The following MARCHF1 variants were observed in gnomAD, a reference collection of about 807,000 sequenced individuals.
MARCHF1 encodes E3 ubiquitin-protein ligase MARCHF1.
In MARCHF1, 40 loss-of-function variants were observed where a neutral mutation model predicts 54.2. That is an observed-to-expected ratio of 0.74 (90% CI 0.57 to 0.96). MARCHF1 has a LOEUF of 0.96. Among genes scored for constraint, MARCHF1 ranks in the 40% least tolerant of loss-of-function variants. The pLI is 0.00. For missense variants in MARCHF1, 586 were observed against 656.5 expected (o/e 0.89, Z 1.17); for synonymous variants, 236 against 236.3 (o/e 1.00, Z 0.01).
intron 1 of MARCHF1, among the ~76,000 whole-genome samples, chr4:164,230,678 C>T (rs1448934994): frequency 2.0e-5 from 3 of 152,092 alleles, no homozygotes; most frequent in Non-Finnish European, 4.4e-5. Context: ...CTATCTACCT[C>T]CAGGCTGACA....
intron 5 of MARCHF1, among the ~76,000 whole-genome samples, chr4:163,626,447 C>T (rs903685215): frequency 4.5e-4 from 68 of 152,292 alleles, no homozygotes; most frequent in African/African-American, 1.2e-3. Flanking sequence ...AAAGAATAAT[C>T]GTGCATAATC....
intron 2 of MARCHF1, among the ~76,000 whole-genome samples, chr4:164,005,287 C>T (rs149313153): frequency 1.1e-3 from 170 of 152,216 alleles, no homozygotes; most frequent in African/African-American, 2.2e-3. Context: ...AATTTTAATA[C>T]CGCAATTAAA....
chr4:164,073,301 G>C (rs1213124832), intron 2 of MARCHF1, among the ~76,000 whole-genome samples: 1 of 152,274 alleles, frequency 6.6e-6, no homozygotes, highest in African/African-American at 2.4e-5. Context: ...ATACACCATG[G>C]AATACTATGC....
chr4:164,205,479 A>C (rs996066082), intron 1 of MARCHF1, among the ~76,000 whole-genome samples: 6 of 152,190 alleles, frequency 3.9e-5, no homozygotes, highest in African/African-American at 1.2e-4. Context: ...TGGGGAATAA[A>C]CTAACAGGAA....
chr4:163,973,594 A>G (rs1361500628), intron 3 of MARCHF1, among the ~76,000 whole-genome samples: 1 of 152,244 alleles, frequency 6.6e-6, no homozygotes, highest in African/African-American at 2.4e-5. Flanking sequence ...GGACTTCAAT[A>G]CAGGGAGATG....
chr4:163,629,699 G>A (rs760992490), intron 5 of MARCHF1, among the ~76,000 whole-genome samples: 1 of 152,038 alleles, frequency 6.6e-6, no homozygotes, highest in Non-Finnish European at 1.5e-5. Flanking sequence ...GGGGGCTAGG[G>A]GAGGGATAAC....
At chr4:163,722,925 A>C (rs562518994) in intron 4 of MARCHF1, among the ~76,000 whole-genome samples, 36 of 152,074 alleles carry the variant, frequency 2.4e-4, no homozygotes, top group Non-Finnish European at 4.6e-4. Context: ...TGTCTCTGCA[A>C]GTGAGATGGG....
chr4:163,821,441 A>C (rs769759146), intron 4 of MARCHF1, among the ~76,000 whole-genome samples: 2 of 152,030 alleles, frequency 1.3e-5, no homozygotes, highest in African/African-American at 2.4e-5. Flanking sequence ...TTCAGTAAAT[A>C]TTTGTAAAAC....
At chr4:164,158,253 T>C (rs2110931738) in intron 1 of MARCHF1, among the ~76,000 whole-genome samples, 1 of 152,326 alleles carries the variant, frequency 6.6e-6, no homozygotes, top group African/African-American at 2.4e-5. Context: ...GAACTATAAG[T>C]ACAATTTTCA....
chr4:164,185,565 C>T (rs776282315), intron 1 of MARCHF1, among the ~76,000 whole-genome samples: 3 of 151,950 alleles, frequency 2.0e-5, no homozygotes, highest in Admixed American at 2.0e-4. Flanking sequence ...TATATTTCTA[C>T]GATTAAATTT....
chr4:163,684,679 T>A (rs983201253), intron 5 of MARCHF1, among the ~76,000 whole-genome samples: 3 of 152,348 alleles, frequency 2.0e-5, no homozygotes, highest in African/African-American at 7.2e-5. Context: ...ATAGCCCATA[T>A]CCAGTTTATT....
chr4:163,684,525 TTCA>T (rs1744207995), intron 5 of MARCHF1, among the ~76,000 whole-genome samples: 1 of 152,256 alleles, frequency 6.6e-6, no homozygotes, highest in African/African-American at 2.4e-5. Context: ...TAGAAATTCC[TTCA>T]TAAGATTCAT....
At chr4:164,174,600 C>T (rs1026511940) in intron 1 of MARCHF1, among the ~76,000 whole-genome samples, 3 of 152,152 alleles carry the variant, frequency 2.0e-5, no homozygotes, top group South Asian at 2.1e-4. Context: ...AGTTTTCTCT[C>T]TCCAGGTGCT....
chr4:163,528,674 G>C lies in MARCHF1; in HGVS notation c.*74C>G. Reference sequence around the variant, plus strand: ...GAGCTGAAGGGAGTAAATAATTCAAGATCACTTCTGTCATTTGTAGTGGCT... The same window carrying C: ...GAGCTGAAGGGAGTAAATAATTCAACATCACTTCTGTCATTTGTAGTGGCT... On this transcript the variant is annotated 3_prime_UTR_variant, in exon 10 of 10. Coordinates refer to ENST00000514618, the MANE Select transcript of MARCHF1 (RefSeq NM_001394959.1). 1 of 1,427,034 alleles carries C rather than the reference G, an allele frequency of 7.0e-7. No individual in the cohort carries two copies. Among genetic ancestry groups the C allele is most frequent in the East Asian group, 2.3e-5 (1 of 43,218 alleles). The allele number at this position is 1,427,034 out of a possible 1,614,324, so 88.4% of individuals were successfully genotyped here.
chr4:163,751,133 TTGTGTGTGTGTGTGTGTGTGTGTGTG>T (rs70948664), intron 4 of MARCHF1, among the ~76,000 whole-genome samples: 3 of 147,390 alleles, frequency 2.0e-5, no homozygotes, highest in South Asian at 2.2e-4. Flanking sequence ...TATTACCACT[TTGTGTGTGTGTGTGTGTGTGTGTGTG>T]TGTGTGTGTG....
chr4:164,350,073 C>T (rs1007626557), intron 1 of MARCHF1, among the ~76,000 whole-genome samples: 9 of 152,116 alleles, frequency 5.9e-5, no homozygotes, highest in Non-Finnish European at 1.0e-4. Context: ...GCATGTAAAA[C>T]ATATTCAAGT....
intron 2 of MARCHF1, among the ~76,000 whole-genome samples, chr4:163,991,280 C>T (rs368887372): frequency 2.2e-4 from 33 of 152,144 alleles, no homozygotes; most frequent in East Asian, 9.6e-4. Context: ...TTAGGTATTG[C>T]CACAAATTGA....
intron 4 of MARCHF1, among the ~76,000 whole-genome samples, chr4:163,835,107 T>A (rs906144870): frequency 1.3e-5 from 2 of 152,118 alleles, no homozygotes; most frequent in African/African-American, 4.8e-5. Context: ...GATCTCAAAT[T>A]TTTGGCCTTA....
chr4:164,340,033 A>G (rs912544296), intron 1 of MARCHF1, among the ~76,000 whole-genome samples: 2 of 152,182 alleles, frequency 1.3e-5, no homozygotes, highest in Non-Finnish European at 2.9e-5. Flanking sequence ...GAGCAAACCA[A>G]TAATGAGTAA....
Sources: gnomAD v4.1 joint callset for allele counts (sites outside exome capture counted in the v4.1 genomes callset) on GRCh38, gnomAD v4.1.1 for gene constraint, MANE v1.5 for transcripts, NCBI Gene and HGNC (gene_info 2026-07-23, HGNC 2026-07-21) for gene names.